The following SESTD1 variants were observed in gnomAD, a reference collection of about 807,000 sequenced individuals.
SESTD1 encodes SEC14 and spectrin domain containing 1.
A neutral mutation model predicts 101.7 loss-of-function variants in SESTD1; 43 were observed. The ratio of observed to expected loss-of-function variants is 0.42; its 90% CI spans 0.33 to 0.55. The LOEUF is 0.55. Among genes scored for constraint, SESTD1 ranks in the 20% least tolerant of loss-of-function variants. The pLI is 0.07. For synonymous variants in SESTD1, 283 were observed against 286.8 expected (o/e 0.99, Z 0.13); for missense variants, 647 against 815.1 (o/e 0.79, Z 2.51).
At chr2:179,188,411 G>A (rs2046267955) in intron 2 of SESTD1, among the ~76,000 whole-genome samples, 1 of 152,202 alleles carries the variant, frequency 6.6e-6, no homozygotes, top group Non-Finnish European at 1.5e-5. Context: ...ATCAAAGTGA[G>A]CGAGTCACTT....
chr2:179,229,628 C>T (rs1324671829), intron 1 of SESTD1, among the ~76,000 whole-genome samples: 1 of 150,730 alleles, frequency 6.6e-6, no homozygotes, highest in African/African-American at 2.4e-5. Context: ...ACAAGGACGG[C>T]GGTAAAAAGA....
At chr2:179,185,354 A>C (rs1218983582) in intron 2 of SESTD1, among the ~76,000 whole-genome samples, 1 of 147,336 alleles carries the variant, frequency 6.8e-6, no homozygotes, top group Non-Finnish European at 1.5e-5. Context: ...ACATTGTATT[A>C]ATATAGTATT....
At chr2:179,199,587 C>T (rs55783616) in intron 1 of SESTD1, among the ~76,000 whole-genome samples, 4,268 of 152,192 alleles carry the variant, frequency 0.028, 72 homozygotes, top group Non-Finnish European at 0.044. Flanking sequence ...TCCAGCAGCA[C>T]ATCAAAAAGC....
intron 1 of SESTD1, among the ~76,000 whole-genome samples, chr2:179,257,117 G>T (rs1164578544): frequency 3.4e-5 from 5 of 148,058 alleles, no homozygotes; most frequent in African/African-American, 1.0e-4. Flanking sequence ...GTGGGTTGTT[G>T]TTTTTTTTTC....
rs2044374277 is a variant in SESTD1, at chr2:179,105,997, T to C, written c.*3902A>G. On this transcript the variant is annotated 3_prime_UTR_variant, in exon 18 of 18. Transcript: ENST00000428443. ...CAAATGGTAAGTTTCTACTTCATTTTATCTCATCAGGGTATTTGTTGCTCT... is the reference window on the plus strand; with the variant it reads ...CAAATGGTAAGTTTCTACTTCATTTCATCTCATCAGGGTATTTGTTGCTCT... 6.6e-6 allele frequency: 1 copy of C among 152,220 alleles called. No individual in the cohort carries two copies. Among genetic ancestry groups the C allele is most frequent in the South Asian group, 2.1e-4 (1 of 4,834 alleles). The allele number at this position is 152,220 out of a possible 1,614,324, so 9.4% of individuals were successfully genotyped here.
intron 10 of SESTD1, among the ~76,000 whole-genome samples, chr2:179,125,796 C>T (rs1473661067): frequency 6.6e-6 from 1 of 152,126 alleles, no homozygotes; most frequent in Non-Finnish European, 1.5e-5. Flanking sequence ...CATTCTCAGC[C>T]AAAGATCTTA....
intron 13 of SESTD1, among the ~76,000 whole-genome samples, chr2:179,119,268 GAC>G (rs1199982186): frequency 6.6e-6 from 1 of 152,164 alleles, no homozygotes; most frequent in African/African-American, 2.4e-5. Context: ...GAGATTCAGA[GAC>G]AGCAGAACCT....
At chr2:179,156,104 A>G (rs909178808) in intron 5 of SESTD1, among the ~76,000 whole-genome samples, 2 of 149,908 alleles carry the variant, frequency 1.3e-5, no homozygotes, top group Non-Finnish European at 3.0e-5. Flanking sequence ...ATTCCATCAT[A>G]CGTGTATATA....
chr2:179,205,801 G>A (rs2046583303), intron 1 of SESTD1, among the ~76,000 whole-genome samples: 2 of 127,470 alleles, frequency 1.6e-5, no homozygotes, highest in Admixed American at 1.5e-4. Context: ...GAAAACAATT[G>A]TATTTACTCT....
chr2:179,140,180 A>G (rs577325618), intron 9 of SESTD1, among the ~76,000 whole-genome samples: 30 of 152,312 alleles, frequency 2.0e-4, no homozygotes, highest in Middle Eastern at 3.4e-3. Context: ...CATGAAAAGA[A>G]AGAACAACTA....
chr2:179,120,526 A>G (rs1003658700), intron 13 of SESTD1, among the ~76,000 whole-genome samples: 1 of 152,244 alleles, frequency 6.6e-6, no homozygotes, highest in East Asian at 1.9e-4. Flanking sequence ...GAAATCAGTG[A>G]CAAAAACCAA....
At chr2:179,148,253 G>T (rs2045438667) in intron 7 of SESTD1, among the ~76,000 whole-genome samples, 2 of 152,208 alleles carry the variant, frequency 1.3e-5, no homozygotes, top group Admixed American at 6.5e-5. Flanking sequence ...AAAGGAGACA[G>T]ATCGGATGAC....
rs186870215 is a variant in SESTD1 at position 179,108,421 on chromosome 2, C to A, written c.*1478G>T. 2 of 152,396 alleles carry A rather than the reference C, an allele frequency of 1.3e-5. No homozygotes were observed. Among genetic ancestry groups the A allele is most frequent in the Admixed American group, 6.5e-5 (1 of 15,296 alleles). 9.4% of individuals were successfully genotyped at this position (152,396 alleles called of 1,614,324 possible). On this transcript the variant is annotated 3_prime_UTR_variant, in exon 18 of 18. Transcript: ENST00000428443. ...AGAAAAAAACCATTCAGTTTGGTAACTGGGAGGCCATTGCTGACTTTCAAA... is the reference window on the plus strand; with the variant it reads ...AGAAAAAAACCATTCAGTTTGGTAAATGGGAGGCCATTGCTGACTTTCAAA...
Position 179,110,038 on chromosome 2 carries a change from A to G in SESTD1, c.1962-10T>C. The G allele has an allele frequency of 6.2e-7, 1 of 1,613,112 alleles. No homozygotes were observed. The highest frequency in any genetic ancestry group is 8.5e-7 in the Non-Finnish European group (1 of 1,179,510). The stretch of plus-strand genomic sequence containing the variant: ...AAAATATTGTTCGGTTCTAAAAATC[A>G]AAACACACAGAAAAACCTCAGATTA... On this transcript the variant is annotated splice_polypyrimidine_tract_variant and intron_variant, in intron 17 of 17. Coordinates refer to ENST00000428443, the MANE Select transcript of SESTD1 (RefSeq NM_178123.5).
At position 179,108,534 on chromosome 2, in the gene SESTD1, TTTCTCCAAGAAGTCTGTCA is replaced by T. The variant is rs1362928265; in HGVS notation, c.*1346_*1364del. The T allele has an allele frequency of 6.6e-6, 1 of 151,978 alleles. No individual in the cohort carries two copies. Among genetic ancestry groups the T allele is most frequent in the Non-Finnish European group, 1.5e-5 (1 of 67,998 alleles). 9.4% of individuals were successfully genotyped at this position (151,978 alleles called of 1,614,324 possible). The stretch of plus-strand genomic sequence containing the variant: ...AGGATGTAGGGGCACTGGATGTGGA[TTTCTCCAAGAAGTCTGTCA>T]GTCAGTGAAGAAGGCTGGAAAAACT... On this transcript the variant is annotated 3_prime_UTR_variant, in exon 18 of 18. Transcript: ENST00000428443.
intron 3 of SESTD1, among the ~76,000 whole-genome samples, chr2:179,182,558 C>G (rs2046133936): frequency 6.6e-6 from 1 of 151,706 alleles, no homozygotes; most frequent in South Asian, 2.1e-4. Flanking sequence ...CATGGGTAGA[C>G]TAGGACAAAT....
intron 5 of SESTD1, among the ~76,000 whole-genome samples, chr2:179,167,428 C>A (rs1279448463): frequency 6.6e-6 from 1 of 151,886 alleles, no homozygotes; most frequent in Non-Finnish European, 1.5e-5. Context: ...AAATGGAGTT[C>A]CAGAGGAAAC....
At chr2:179,143,548 T>A (rs775203200) in intron 9 of SESTD1, 44 bp downstream of exon 9, 1 of 1,549,310 alleles carries the variant, frequency 6.5e-7, no homozygotes. Context: ...GTAGAAATTA[T>A]AAGGAATTAA....
intron 1 of SESTD1, among the ~76,000 whole-genome samples, chr2:179,221,307 G>A (rs1225367150): frequency 6.9e-6 from 1 of 144,828 alleles, no homozygotes; most frequent in Non-Finnish European, 1.5e-5. Context: ...CAGAGTGAAA[G>A]TCCCATTAAA....
Sources: gnomAD v4.1 joint callset for allele counts (sites outside exome capture counted in the v4.1 genomes callset) on GRCh38, gnomAD v4.1.1 for gene constraint, MANE v1.5 for transcripts, NCBI Gene and HGNC (gene_info 2026-07-23, HGNC 2026-07-21) for gene names.